GREB1: variants seen among roughly 807,000 people sequenced by gnomAD.
GREB1 encodes protein GREB1.
A neutral mutation model predicts 200.7 loss-of-function variants in GREB1; 106 were observed. The observed-to-expected ratio is 0.53, with a 90% CI of 0.45 to 0.62. The LOEUF is 0.62. Ranked by LOEUF, GREB1 falls within the 20% of genes least tolerant of loss-of-function variation. The pLI is 0.00. For missense variants in GREB1, 2,243 were observed against 2,556.8 expected, an observed-to-expected ratio of 0.88 and a Z score of 2.65; for synonymous variants, 1,132 against 1,092.4, an observed-to-expected ratio of 1.04 and a Z score of -0.72.
At position 11,563,362 on chromosome 2, in the gene GREB1, G is replaced by A. The variant is rs537045729; in HGVS notation, c.277+780G>A. 2.0e-5 allele frequency among the ~76,000 whole-genome samples: 3 copies of A among 152,348 alleles called. No homozygotes were observed. In the South Asian group the frequency reaches 6.2e-4, roughly 32 times the overall value. On this transcript the variant is annotated intron_variant, in intron 3 of 32. Transcript: ENST00000381486. ...ACCCTGTACAGTCAGTAATGGTACA[G>A]TTTCACTGTTGAGGAACAGAGGCCT...
chr2:11,537,884 T>C (rs1674372271), intron 1 of GREB1, among the ~76,000 whole-genome samples: 1 of 152,034 alleles, frequency 6.6e-6, no homozygotes, highest in Admixed American at 6.6e-5. Context: ...TAAATGTATC[T>C]TGCTGAATGT....
At chr2:11,581,708 T>C (rs1322629239) in intron 7 of GREB1, among the ~76,000 whole-genome samples, 2 of 152,234 alleles carry the variant, frequency 1.3e-5, no homozygotes, top group East Asian at 3.9e-4. Flanking sequence ...CTCAGCTAAA[T>C]TGGATTTGAA....
chr2:11,572,239 G>C (rs1408952574), intron 4 of GREB1, among the ~76,000 whole-genome samples: 1 of 152,206 alleles, frequency 6.6e-6, no homozygotes, highest in East Asian at 1.9e-4. Flanking sequence ...CATCAGGCCT[G>C]GGGGACAGGT....
intron 17 of GREB1, among the ~76,000 whole-genome samples, chr2:11,605,848 C>T (rs1379813629): frequency 6.6e-6 from 1 of 152,102 alleles, no homozygotes; most frequent in Non-Finnish European, 1.5e-5. Context: ...TGTTTATTTA[C>T]TGGTTAAGAG....
In GREB1 at chr2:11,592,749, AG is replaced by A. The variant is rs1299394435; in HGVS notation, c.1346-25del. On this transcript the variant is annotated intron_variant, in intron 10 of 32. Coordinates refer to ENST00000381486, the MANE Select transcript of GREB1 (RefSeq NM_014668.4). ...CCCGGATGCCGCTGGCATTTGTGGC[AG>A]GCCCTCCGCCCGCATTGTGTTGCAG... 4.2e-6 allele frequency: 6 copies of A among 1,413,860 alleles called. No individual in the cohort carries two copies. The East Asian group carries it at 1.3e-4, about 32-fold the overall frequency. 87.6% of individuals were successfully genotyped at this position (1,413,860 alleles called of 1,614,324 possible).
intron 30 of GREB1, among the ~76,000 whole-genome samples, chr2:11,635,978 C>T (rs1255386707): frequency 2.0e-5 from 3 of 152,232 alleles, no homozygotes; most frequent in Admixed American, 2.0e-4. Context: ...CTTTCTCTGT[C>T]ACTTCTGTCT....
At chr2:11,627,816 A>C (rs567358931) in intron 25 of GREB1, among the ~76,000 whole-genome samples, 12 of 152,170 alleles carry the variant, frequency 7.9e-5, no homozygotes, top group Non-Finnish European at 1.5e-4. Flanking sequence ...TTTACTTCAC[A>C]CTAAAATTTC....
At position 11,588,940 on chromosome 2, in the gene GREB1, C is replaced by T. The variant is rs1418343654; in HGVS notation, c.1345+9C>T. The T allele has an allele frequency of 1.2e-6, 2 of 1,611,106 alleles. No homozygotes were observed. Among genetic ancestry groups the T allele is most frequent in the African/African-American group, 2.7e-5 (2 of 74,898 alleles). On this transcript the variant is annotated intron_variant, in intron 10 of 32. Coordinates refer to ENST00000381486, the MANE Select transcript of GREB1 (RefSeq NM_014668.4). ...CTACCTGGTCCAGCTGGGTGAGTCACCTCCACCTCCTGGCCCAGTGGCAGG... is the reference window on the plus strand; with the variant it reads ...CTACCTGGTCCAGCTGGGTGAGTCATCTCCACCTCCTGGCCCAGTGGCAGG...
At position 11,640,058 on chromosome 2, in the gene GREB1, G is replaced by A. The variant is rs1685695753; in HGVS notation, c.5687-233G>A. 6.6e-6 allele frequency among the ~76,000 whole-genome samples: 1 copy of A among 152,128 alleles called. No individual in the cohort carries two copies. The highest frequency in any genetic ancestry group is 6.5e-5 in the Admixed American group (1 of 15,276). On this transcript the variant is annotated intron_variant, in intron 32 of 32. Coordinates refer to ENST00000381486, the MANE Select transcript of GREB1 (RefSeq NM_014668.4). This position sits in a 1 kb window ranked among gnomAD's most constrained non-coding sequence, Gnocchi z 4.6. ...CGCACCTCGGTTCAGTCCCTGCTCG[G>A]CTTTCCTTCTGCCTCCGTGTTTTCT... is the stretch of plus-strand genomic sequence containing the variant.
At chr2:11,541,156 G>C (rs955834688) in intron 1 of GREB1, among the ~76,000 whole-genome samples, 5 of 152,148 alleles carry the variant, frequency 3.3e-5, no homozygotes, top group Non-Finnish European at 7.4e-5. Context: ...CAGGTTGGCA[G>C]GGCTTCTAGG....
intron 1 of GREB1, among the ~76,000 whole-genome samples, chr2:11,501,370 C>A (rs1572555701): frequency 6.6e-6 from 1 of 152,278 alleles, no homozygotes; most frequent in African/African-American, 2.4e-5. Flanking sequence ...TCCGAGTTAC[C>A]ATGACCCAGC....
intron 1 of GREB1, among the ~76,000 whole-genome samples, chr2:11,526,555 CCTT>C (rs1673882598): frequency 6.7e-6 from 1 of 150,160 alleles, no homozygotes; most frequent in Non-Finnish European, 1.5e-5. Context: ...AACTTTAAAT[CCTT>C]TTTTTTTTTT....
Position 11,538,641 on chromosome 2 carries a change from CTTT to C in GREB1, c.-162+4388_-162+4390del, listed in dbSNP as rs1558510686. 8.1e-4 allele frequency among the ~76,000 whole-genome samples: 23 copies of C among 28,258 alleles called. 1 individual carries two copies. Among genetic ancestry groups the C allele is most frequent in the East Asian group, 3.5e-3 (2 of 574 alleles). 18.5% of individuals were successfully genotyped at this position (28,258 alleles called of 152,430 possible). A position where few individuals can be genotyped will look rare whatever the true frequency, so the allele number is the denominator to read the frequency against. ...TCTTTCTTTCTTTCTTTCTTTCTTT[CTTT>C]CTTTCTTTCTTTCTTTCTTTCTTTC... On this transcript the variant is annotated intron_variant, in intron 1 of 32. Coordinates refer to ENST00000381486, the MANE Select transcript of GREB1 (RefSeq NM_014668.4).
rs560905459 is a variant in GREB1 at position 11,637,739 on chromosome 2, C to T, written c.5370C>T (p.Val1790=). 40 of 1,613,594 alleles carry T rather than the reference C, an allele frequency of 2.5e-5. No homozygotes were observed. The highest frequency in any genetic ancestry group is 3.1e-5 in the Non-Finnish European group (36 of 1,180,016). Residue 1790 remains valine, a synonymous_variant, in exon 31 of 33, where the codon GTC becomes GTT. Transcript: ENST00000381486. The part of the protein sequence containing the change: ...TSKVSDNSAA[V]VPAQYICAPD... ...AGGTGTCTGATAACTCTGCCGCGGT[C>T]GTGCCGGCCCAGTACATCTGTGCCC...
chr2:11,512,894 T>C (rs1022423714), intron 1 of GREB1, among the ~76,000 whole-genome samples: 4 of 152,202 alleles, frequency 2.6e-5, no homozygotes, highest in Non-Finnish European at 4.4e-5. Flanking sequence ...TTAAGACTTA[T>C]AGACAAAGAT....
rs1679087725 is a variant in GREB1 at position 11,578,278 on chromosome 2, G to A, written c.638-19G>A. ...GAGAAGAGCGAGTTGGTTTTCACGT[G>A]TGCACCTTGCCCCCTTAGAGTTTAG... On this transcript the variant is annotated intron_variant, in intron 5 of 32. Transcript: ENST00000381486. The A allele has an allele frequency of 6.2e-7, 1 of 1,606,324 alleles. No homozygotes were observed. Among genetic ancestry groups the A allele is most frequent in the African/African-American group, 1.3e-5 (1 of 74,804 alleles).
intron 2 of GREB1, among the ~76,000 whole-genome samples, chr2:11,557,527 T>G (rs1414448175): frequency 6.6e-6 from 1 of 152,180 alleles, no homozygotes; most frequent in Non-Finnish European, 1.5e-5. Context: ...CCAGGTCTTG[T>G]GCTGGGGTGG....
chr2:11,491,586 G>A (rs1361772118), intron 1 of GREB1, among the ~76,000 whole-genome samples: 1 of 152,210 alleles, frequency 6.6e-6, no homozygotes, highest in African/African-American at 2.4e-5. Context: ...ACTTGGAAGA[G>A]CTATTCCACC....
intron 1 of GREB1, among the ~76,000 whole-genome samples, chr2:11,486,419 G>A (rs1216770234): frequency 6.6e-6 from 1 of 152,134 alleles, no homozygotes; most frequent in Non-Finnish European, 1.5e-5. Flanking sequence ...CTCTCCTAGA[G>A]CACTGGGATT....
Sources: allele counts gnomAD v4.1 joint callset (sites outside exome capture counted in the v4.1 genomes callset), GRCh38; gene constraint gnomAD v4.1.1; non-coding constraint Gnocchi (gnomAD v3.1); transcripts MANE v1.5; gene names NCBI Gene and HGNC (gene_info 2026-07-23, HGNC 2026-07-21).